AZIN2: variants seen among roughly 807,000 people sequenced by gnomAD.
AZIN2 encodes the protein antizyme inhibitor 2.
A neutral mutation model predicts 47.8 loss-of-function variants in AZIN2; 28 were observed. The ratio of observed to expected loss-of-function variants is 0.59; its 90% CI spans 0.43 to 0.80. The LOEUF (loss-of-function observed/expected upper bound fraction) is 0.80, where lower values mean the gene tolerates loss of function less well. Ranked by LOEUF, AZIN2 falls within the 30% of genes least tolerant of loss-of-function variation. The probability of loss-of-function intolerance (pLI) is 0.00; values close to 1 mark genes in which losing one functional copy is unlikely to be tolerated. For synonymous variants in AZIN2, 221 were observed against 239.4 expected (o/e 0.92, Z 0.71); for missense variants, 535 against 582.5 (o/e 0.92, Z 0.84).
the AZIN2 span, among the ~76,000 whole-genome samples, chr1:33,160,804 G>A: frequency 9.8e-5 from 15 of 152,320 alleles, no homozygotes; most frequent in African/African-American, 3.4e-4. Context: ...AAATTGCAAC[G>A]TATTGAGAAA....
At chr1:33,154,361 A>C in the AZIN2 span, among the ~76,000 whole-genome samples, 6 of 152,340 alleles carry the variant, frequency 3.9e-5, no homozygotes, top group African/African-American at 1.4e-4. Context: ...TGTCTGTCAC[A>C]GCTCGGAGAG....
Position 33,081,856 on chromosome 1 carries a change from C to A in AZIN2, c.-73+44C>A. 1 of 269,294 alleles carries A rather than the reference C, an allele frequency of 3.7e-6. No individual in the cohort carries two copies. The highest frequency in any genetic ancestry group is 7.3e-6 in the Non-Finnish European group (1 of 136,676). 16.7% of individuals were successfully genotyped at this position (269,294 alleles called of 1,614,324 possible). A position where few individuals can be genotyped will look rare whatever the true frequency, so the allele number is the denominator to read the frequency against. On this transcript the variant is annotated intron_variant, in intron 3 of 11. Transcript: ENST00000294517. This position sits in a 1 kb window ranked among gnomAD's most constrained non-coding sequence, Gnocchi z 4.2. ...GGGGGCGCCCTGGAAACTTCCCCAC[C>A]CAAGTTTCTCAGATTTTCTGTTCCA...
At chr1:33,153,101 G>C in the AZIN2 span, among the ~76,000 whole-genome samples, 1 of 152,268 alleles carries the variant, frequency 6.6e-6, no homozygotes, top group African/African-American at 2.4e-5. Flanking sequence ...GCTGGATGGG[G>C]TTCTCAGGTG....
chr1:33,098,739 C>T (rs1458653885), intron 10 of AZIN2, among the ~76,000 whole-genome samples: 2 of 152,078 alleles, frequency 1.3e-5, no homozygotes, highest in African/African-American at 4.8e-5. Flanking sequence ...TTATCTTCCC[C>T]TCTCCATTGT....
intron 10 of AZIN2, among the ~76,000 whole-genome samples, chr1:33,112,604 T>C (rs905570310): frequency 6.6e-6 from 1 of 152,206 alleles, no homozygotes; most frequent in Admixed American, 6.5e-5. Context: ...GGAGATGTCA[T>C]TGGAGTGGGC....
intron 10 of AZIN2, among the ~76,000 whole-genome samples, chr1:33,107,732 A>G (rs915152047): frequency 2.6e-5 from 4 of 152,222 alleles, no homozygotes; most frequent in Non-Finnish European, 2.9e-5. Context: ...AAACTATCCC[A>G]TTTATAATTG....
At chr1:33,082,597 C>T (rs928605616) in intron 4 of AZIN2, 4 of 423,352 alleles carry the variant, frequency 9.4e-6, no homozygotes, top group African/African-American at 8.3e-5. Flanking sequence ...TTCCTGCTGC[C>T]CCCTCTCCCT....
chr1:33,159,743 G>T, the AZIN2 span: 392 of 1,612,914 alleles, frequency 2.4e-4, 2 homozygotes, highest in African/African-American at 4.7e-3. This position sits in a 1 kb window ranked among gnomAD's most constrained non-coding sequence, Gnocchi z 4.2. Flanking sequence ...GTTTCAGCCA[G>T]CCGCTCCTGC....
At chr1:33,108,234 G>C (rs915486629) in intron 10 of AZIN2, among the ~76,000 whole-genome samples, 6 of 152,046 alleles carry the variant, frequency 3.9e-5, no homozygotes, top group African/African-American at 1.5e-4. Flanking sequence ...GGAAAGGACA[G>C]TCTCTTCCAT....
At chr1:33,102,457 C>T (rs1425465040) in intron 10 of AZIN2, among the ~76,000 whole-genome samples, 1 of 152,178 alleles carries the variant, frequency 6.6e-6, no homozygotes, top group Non-Finnish European at 1.5e-5. Flanking sequence ...GGAAGATGCT[C>T]TTGAAAGTCA....
the AZIN2 span, chr1:33,164,362 G>A: frequency 1.3e-5 from 2 of 152,250 alleles, no homozygotes; most frequent in African/African-American, 4.8e-5. Context: ...GACAGAGCGG[G>A]GTCAGCCTGA....
chr1:33,082,536 C>T (rs918470017), intron 4 of AZIN2, 182 bp downstream of exon 4: 2 of 531,344 alleles, frequency 3.8e-6, no homozygotes, highest in South Asian at 2.3e-5. Flanking sequence ...ACCTGCCCCT[C>T]CTATGTTGCC....
rs1644754958 is a variant in AZIN2 at position 33,120,143 on chromosome 1, G to A, written c.1344G>A (p.Leu448=). 7 of 1,613,502 alleles carry A rather than the reference G, an allele frequency of 4.3e-6. No individual in the cohort carries two copies. The highest frequency in any genetic ancestry group is 5.9e-6 in the Non-Finnish European group (7 of 1,179,614). ...GCGGCTGGGAGATCACAGACACCCT[G>A]TGCGTGGGCCCTGTCTTCACCCCAG... The part of the protein sequence containing the change: ...LSCGWEITDT[L]CVGPVFTPAS... The change falls in exon 12 of 12, where the codon CTG becomes CTA. Residue 448 remains leucine (L), a synonymous_variant. Coordinates refer to ENST00000294517, the MANE Select transcript of AZIN2 (RefSeq NM_052998.4).
chr1:33,094,361 C>G (rs763710846), intron 7 of AZIN2, among the ~76,000 whole-genome samples, 187 bp from the exon 8 acceptor site: 2 of 152,226 alleles, frequency 1.3e-5, no homozygotes, highest in Non-Finnish European at 1.5e-5. Context: ...TTGGATCAAG[C>G]CTCCTGTCCA....
chr1:33,084,570 C>CT (rs1302936899), intron 5 of AZIN2, among the ~76,000 whole-genome samples: 1 of 151,788 alleles, frequency 6.6e-6, no homozygotes, highest in African/African-American at 2.4e-5. Flanking sequence ...CTGCTGTTGT[C>CT]TTCATTCCCT....
At chr1:33,093,215 T>A (rs369111609) in intron 6 of AZIN2, 67 bp from the exon 7 acceptor site, 3 of 1,597,390 alleles carry the variant, frequency 1.9e-6, no homozygotes, top group Non-Finnish European at 1.7e-6. Flanking sequence ...CAGCCCTTGA[T>A]TGAGAGATGT....
At chr1:33,140,259 G>A in the AZIN2 span, among the ~76,000 whole-genome samples, 7 of 152,336 alleles carry the variant, frequency 4.6e-5, no homozygotes, top group East Asian at 1.9e-4. The surrounding 1 kb of genome is among the most constrained non-coding windows in gnomAD (Gnocchi z 4.0). Context: ...AGTCAGAGAC[G>A]GAGCTGGGGT....
At chr1:33,093,685 G>T (rs1252730909) in intron 7 of AZIN2, among the ~76,000 whole-genome samples, 1 of 151,102 alleles carries the variant, frequency 6.6e-6, no homozygotes, top group African/African-American at 2.4e-5. Flanking sequence ...TAGGACAAAG[G>T]TTTTGCAGCT....
At chr1:33,117,843 G>C in intron 10 of AZIN2, 59 bp from the exon 11 acceptor site, 1 of 1,580,830 alleles carries the variant, frequency 6.3e-7, no homozygotes, top group Non-Finnish European at 8.7e-7. Context: ...TTGAGGGAGG[G>C]AGTGGCAAGG....
Sources: gnomAD v4.1 joint callset for allele counts (sites outside exome capture counted in the v4.1 genomes callset) on GRCh38, gnomAD v4.1.1 for gene constraint, Gnocchi (gnomAD v3.1) non-coding constraint, MANE v1.5 for transcripts, NCBI Gene and HGNC (gene_info 2026-07-23, HGNC 2026-07-21) for gene names.